The following KNDC1 variants were observed in gnomAD, a reference collection of about 807,000 sequenced individuals.
KNDC1 encodes the protein kinase non-catalytic C-lobe domain containing 1.
KNDC1 carries 106 observed loss-of-function variants against 172.8 expected under a neutral mutation model. The observed-to-expected ratio is 0.61, with a 90% confidence interval of 0.52 to 0.72. The LOEUF (loss-of-function observed/expected upper bound fraction) is 0.72. KNDC1 is among the 30% of genes least tolerant of loss of function. The probability of loss-of-function intolerance (pLI) is 0.00; values close to 1 mark genes in which losing one functional copy is unlikely to be tolerated. For missense variants in KNDC1, 2,325 were observed against 2,394.5 expected, an observed-to-expected ratio of 0.97 and a Z score of 0.61; for synonymous variants, 1,083 against 1,062.2, an observed-to-expected ratio of 1.02 and a Z score of -0.38.
chr10:133,221,448 C>T (rs1441385388), intron 29 of KNDC1, among the ~76,000 whole-genome samples: 2 of 152,150 alleles, frequency 1.3e-5, no homozygotes, highest in Non-Finnish European at 2.9e-5. Context: ...GGCCTGTGTC[C>T]GATGACCCTC....
At chr10:133,167,710 C>T in intron 2 of KNDC1, 131 bp downstream of exon 2, 3 of 1,008,622 alleles carry the variant, frequency 3.0e-6, no homozygotes, top group South Asian at 3.1e-5. Context: ...CCTGTGGAGA[C>T]CTTCTCTTCC....
chr10:133,216,860 G>A (rs1000453167), intron 26 of KNDC1, among the ~76,000 whole-genome samples: 16 of 152,242 alleles, frequency 1.1e-4, no homozygotes, highest in African/African-American at 3.9e-4. Flanking sequence ...TAACAGGAGG[G>A]AAATTCTGAC....
chr10:133,214,380 C>T (rs928582535), intron 26 of KNDC1, among the ~76,000 whole-genome samples: 2 of 152,228 alleles, frequency 1.3e-5, no homozygotes, highest in Non-Finnish European at 2.9e-5. Context: ...TCCACATCCA[C>T]GGCCACTTCC....
Position 133,198,219 on chromosome 10 carries a change from G to A in KNDC1, c.1907-118G>A, listed in dbSNP as rs184775896. ...ACAGAGGAAGCCCCCAGGGCCATGC[G>A]GGAGGGGACGCGGCACCACGCACTG... On this transcript the variant is annotated intron_variant, in intron 12 of 29. Coordinates refer to ENST00000304613, the MANE Select transcript of KNDC1 (RefSeq NM_152643.8). The A allele has an allele frequency of 2.2e-4, 264 of 1,218,378 alleles. 5 individuals carry two copies. The East Asian group carries it at 6.0e-3, about 28-fold the overall frequency. 75.5% of individuals were successfully genotyped at this position (1,218,378 alleles called of 1,614,324 possible).
intron 16 of KNDC1, 46 bp from the exon 17 acceptor site, chr10:133,201,455 C>A: frequency 1.3e-6 from 2 of 1,537,380 alleles, no homozygotes; most frequent in Non-Finnish European, 1.8e-6. Flanking sequence ...CCGGGCTCCG[C>A]CCACAGGAGC....
At chr10:133,211,189 C>G (rs879772911) in intron 21 of KNDC1, among the ~76,000 whole-genome samples, 22 of 152,008 alleles carry the variant, frequency 1.4e-4, no homozygotes, top group Non-Finnish European at 2.4e-4. Flanking sequence ...TGCTGCCCCC[C>G]CAGGACACTC....
Position 133,219,976 on chromosome 10 carries a change from C to A in KNDC1, c.4882C>A (p.Leu1628Met). 6.4e-7 allele frequency: 1 copy of A among 1,552,640 alleles called. No homozygotes were observed. ...CCAGGTCTTCCTGAAGAGCGACAGC[C>A]TGTGTCTGATGGAAGGGCGGCGCTT... ...AVEVFLKSDS[L>M]CLMEGRRFRA... The change falls in exon 29 of 30, where the codon CTG becomes ATG. Residue 1628 changes from leucine to methionine, a missense_variant. Leu to Met is a conservative substitution (Grantham distance 15, BLOSUM62 2). Transcript: ENST00000304613.
chr10:133,195,491 G>A (rs991322286), intron 9 of KNDC1, among the ~76,000 whole-genome samples, 172 bp from the exon 10 acceptor site: 11 of 152,182 alleles, frequency 7.2e-5, no homozygotes, highest in South Asian at 2.1e-4. Flanking sequence ...ACCTGGAGGC[G>A]GATGCAGGGG....
At chr10:133,205,603 G>A (rs1320620367) in intron 17 of KNDC1, among the ~76,000 whole-genome samples, 5 of 152,382 alleles carry the variant, frequency 3.3e-5, no homozygotes, top group African/African-American at 9.6e-5. Flanking sequence ...GTGGGTTCCC[G>A]GGAGGAGGGT....
At chr10:133,192,469 T>A (rs981054193) in intron 9 of KNDC1, among the ~76,000 whole-genome samples, 4 of 152,178 alleles carry the variant, frequency 2.6e-5, no homozygotes, top group Admixed American at 2.0e-4. Context: ...GATACCAACC[T>A]GGAGATGACA....
chr10:133,168,814 G>C (rs76134911), intron 3 of KNDC1, among the ~76,000 whole-genome samples: 5,375 of 152,324 alleles, frequency 0.035, 145 homozygotes, highest in Middle Eastern at 0.058. Context: ...CACCCTGGGG[G>C]CCTCACCGGC....
At chr10:133,207,111 CA>C in intron 19 of KNDC1, 25 bp from the exon 20 acceptor site, 3 of 1,564,334 alleles carry the variant, frequency 1.9e-6, no homozygotes, top group Non-Finnish European at 2.6e-6. Flanking sequence ...GCAGAGTGAC[CA>C]AGCGCCCGTG....
chr10:133,206,657 G>A (rs376699581), intron 17 of KNDC1, 28 bp from the exon 18 acceptor site: 39 of 1,602,086 alleles, frequency 2.4e-5, no homozygotes, highest in Admixed American at 8.3e-5. Flanking sequence ...GGGCTGCCTG[G>A]GGCTTAGGCG....
At chr10:133,222,013 G>GCA (rs1554922144) in intron 29 of KNDC1, among the ~76,000 whole-genome samples, 2,201 of 147,482 alleles carry the variant, frequency 0.015, 4 homozygotes, top group Non-Finnish European at 0.023. Flanking sequence ...CGGGCGCGGT[G>GCA]GCTCACGCCA....
chr10:133,203,904 G>C (rs1225502628), intron 17 of KNDC1, among the ~76,000 whole-genome samples: 1 of 152,260 alleles, frequency 6.6e-6, no homozygotes, highest in South Asian at 2.1e-4. Flanking sequence ...GGCCGTGGAG[G>C]TGCCGGCCAG....
Position 133,225,352 on chromosome 10 carries a change from A to G in KNDC1, c.*462A>G, listed in dbSNP as rs906726110. 4 of 193,090 alleles carry G rather than the reference A, an allele frequency of 2.1e-5. No homozygotes were observed. Among genetic ancestry groups the G allele is most frequent in the Non-Finnish European group, 4.3e-5 (4 of 93,756 alleles). The allele number at this position is 193,090 out of a possible 1,614,324, so 12.0% of individuals were successfully genotyped here. A position where few individuals can be genotyped will look rare whatever the true frequency, so the allele number is the denominator to read the frequency against. ...TGGGTTGGCTGAGCAACGAAGGGCC[A>G]AAGCTGACCTCTGAGTGGCCAACTG... On this transcript the variant is annotated 3_prime_UTR_variant, in exon 30 of 30. Coordinates refer to ENST00000304613, the MANE Select transcript of KNDC1 (RefSeq NM_152643.8).
In KNDC1 at chr10:133,219,106, G is replaced by A. The variant is rs757045896; in HGVS notation, c.4860+16G>A. 2.2e-5 allele frequency: 35 copies of A among 1,611,250 alleles called. No homozygotes were observed. The South Asian group carries it at 2.2e-4, about 10-fold the overall frequency. On this transcript the variant is annotated intron_variant, in intron 28 of 29. Transcript: ENST00000304613. ...AGCCGTGGAGGTACCAGCACTTTACGTGGCCGGGCGGCTTTGGTCCCCCGA... is the reference window on the plus strand; with the variant it reads ...AGCCGTGGAGGTACCAGCACTTTACATGGCCGGGCGGCTTTGGTCCCCCGA...
chr10:133,172,296 A>G (rs985147633), intron 3 of KNDC1, among the ~76,000 whole-genome samples: 5 of 152,140 alleles, frequency 3.3e-5, no homozygotes, highest in Non-Finnish European at 7.4e-5. Context: ...GTGTGTGTCA[A>G]TTTTACAAGA....
intron 3 of KNDC1, among the ~76,000 whole-genome samples, chr10:133,176,205 G>T (rs1441342387): frequency 6.6e-6 from 1 of 151,826 alleles, no homozygotes; most frequent in Non-Finnish European, 1.5e-5. Flanking sequence ...GATGTGTGGA[G>T]GATGGGTTGA....
Sources: allele counts gnomAD v4.1 joint callset (sites outside exome capture counted in the v4.1 genomes callset), GRCh38; gene constraint gnomAD v4.1.1; transcripts MANE v1.5; gene names NCBI Gene and HGNC (gene_info 2026-07-23, HGNC 2026-07-21).